PALLD: variants seen among roughly 807,000 people sequenced by gnomAD.
PALLD encodes palladin, cytoskeletal associated protein.
Under a neutral mutation model 123.5 loss-of-function variants are expected in PALLD, and 61 were observed. The observed-to-expected ratio is 0.49, with a 90% confidence interval of 0.40 to 0.61. PALLD has a LOEUF of 0.61. Ranked by LOEUF, PALLD falls within the 20% of genes least tolerant of loss-of-function variation. The pLI, the probability that PALLD is intolerant of heterozygous loss-of-function variation, is 0.00. For synonymous variants in PALLD, 465 were observed against 496.4 expected (o/e 0.94, Z 0.84); for missense variants, 1,273 against 1,377.0 (o/e 0.92, Z 1.20).
intron 10 of PALLD, among the ~76,000 whole-genome samples, chr4:168,807,042 C>T (rs1740311052): frequency 6.6e-6 from 1 of 152,054 alleles, no homozygotes; most frequent in African/African-American, 2.4e-5. Context: ...GGTGCCTAAC[C>T]ACAACACTTC....
At chr4:168,547,346 G>A (rs1766236411) in intron 2 of PALLD, among the ~76,000 whole-genome samples, 1 of 151,898 alleles carries the variant, frequency 6.6e-6, no homozygotes, top group African/African-American at 2.4e-5. Context: ...GTGGGAGTGT[G>A]TGTGTTGTGT....
rs999214743 is a variant in PALLD at position 168,878,010 on chromosome 4, C to T, written c.1965-12912C>T. On this transcript the variant is annotated intron_variant, in intron 10 of 21. Coordinates refer to ENST00000505667, the MANE Select transcript of PALLD (RefSeq NM_001166108.2). ...CTCGGGCCCGCGTCGGGCCACGGCA[C>T]GCCGGCCTCCAGCCCCAGCTCGTCC... The T allele has an allele frequency of 1.3e-6, 2 of 1,497,458 alleles. No individual in the cohort carries two copies. Among genetic ancestry groups the T allele is most frequent in the Non-Finnish European group, 1.8e-6 (2 of 1,129,284 alleles). 92.8% of individuals were successfully genotyped at this position (1,497,458 alleles called of 1,614,324 possible).
intron 8 of PALLD, among the ~76,000 whole-genome samples, chr4:168,698,617 C>T (rs890524438): frequency 6.6e-6 from 1 of 152,062 alleles, no homozygotes; most frequent in Non-Finnish European, 1.5e-5. Context: ...CCAGACTGCT[C>T]CACCGAGTGA....
At chr4:168,525,224 T>C (rs1763931623) in intron 2 of PALLD, among the ~76,000 whole-genome samples, 1 of 152,194 alleles carries the variant, frequency 6.6e-6, no homozygotes, top group Non-Finnish European at 1.5e-5. Flanking sequence ...ATACCTTTTC[T>C]ACAAAAGGCC....
At chr4:168,763,120 A>G (rs770147864) in intron 10 of PALLD, among the ~76,000 whole-genome samples, 28 of 152,174 alleles carry the variant, frequency 1.8e-4, no homozygotes, top group Non-Finnish European at 4.1e-4. Context: ...ATGTATACCT[A>G]TGTAACAAAC....
chr4:168,693,775 C>T (rs1199855922), intron 8 of PALLD, among the ~76,000 whole-genome samples: 2 of 152,186 alleles, frequency 1.3e-5, no homozygotes, highest in Admixed American at 6.5e-5. Flanking sequence ...TACCATGACA[C>T]GACGAGACTT....
intron 10 of PALLD, among the ~76,000 whole-genome samples, chr4:168,725,522 C>CTT (rs1210834634): frequency 0.022 from 2,036 of 91,650 alleles, 76 homozygotes; most frequent in Non-Finnish European, 0.026. Flanking sequence ...TCTTTAATTT[C>CTT]TTTTTTTTTT....
chr4:168,570,282 G>T (rs1290106401), intron 2 of PALLD, among the ~76,000 whole-genome samples: 1 of 152,062 alleles, frequency 6.6e-6, no homozygotes, highest in East Asian at 1.9e-4. Flanking sequence ...GAAATGTTTG[G>T]TTTTTGTTTT....
At chr4:168,808,649 C>A (rs567793605) in intron 10 of PALLD, among the ~76,000 whole-genome samples, 1 of 152,300 alleles carries the variant, frequency 6.6e-6, no homozygotes, top group South Asian at 2.1e-4. Flanking sequence ...ATTTATTGGA[C>A]TTACAGTTCC....
At chr4:168,560,603 C>T (rs1767767971) in intron 2 of PALLD, among the ~76,000 whole-genome samples, 1 of 152,144 alleles carries the variant, frequency 6.6e-6, no homozygotes, top group African/African-American at 2.4e-5. Flanking sequence ...ATTCATAGCA[C>T]TTTCCCAAGC....
intron 16 of PALLD, among the ~76,000 whole-genome samples, chr4:168,915,054 GC>G (rs1214114424): frequency 6.6e-6 from 1 of 152,078 alleles, no homozygotes; most frequent in Non-Finnish European, 1.5e-5. Context: ...ACATTTTTAA[GC>G]CTTTCCTTAT....
At chr4:168,792,124 C>T (rs1276135192) in intron 10 of PALLD, among the ~76,000 whole-genome samples, 1 of 152,106 alleles carries the variant, frequency 6.6e-6, no homozygotes, top group Admixed American at 6.5e-5. Context: ...AAATAAAAGG[C>T]TGCTGCCCTC....
chr4:168,645,097 CAAA>C (rs58366362), intron 2 of PALLD, among the ~76,000 whole-genome samples: 15 of 117,034 alleles, frequency 1.3e-4, no homozygotes, highest in Non-Finnish European at 1.7e-4. Context: ...GACACAGTCT[CAAA>C]AAAAAAAAAA....
At chr4:168,862,177 T>G (rs1330049825) in intron 10 of PALLD, among the ~76,000 whole-genome samples, 1 of 152,196 alleles carries the variant, frequency 6.6e-6, no homozygotes, top group Non-Finnish European at 1.5e-5. Flanking sequence ...TTTTGTTTGC[T>G]TTGTTTTGAG....
chr4:168,887,861 G>A (rs1753584848), intron 10 of PALLD, among the ~76,000 whole-genome samples: 1 of 152,150 alleles, frequency 6.6e-6, no homozygotes, highest in Non-Finnish European at 1.5e-5. Context: ...GAGATGGACA[G>A]TACATCCATT....
rs146189707 is a variant in PALLD, at chr4:168,511,905, T to A, written c.401T>A (p.Ile134Asn). The A allele has an allele frequency of 6.2e-7, 1 of 1,614,108 alleles. No individual in the cohort carries two copies. Among genetic ancestry groups the A allele is most frequent in the African/African-American group, 1.3e-5 (1 of 74,992 alleles). The part of the protein sequence containing the change: ...MSPLLTRPSY[I>N]RSLRKAEKRG... ...CCCCTGCTCACCAGGCCCAGCTACA[T>A]CCGGAGCCTCCGAAAGGCTGAAAAG... Residue 134 changes from isoleucine (I) to asparagine (N), a missense_variant, in exon 2 of 22, where the codon ATC becomes AAC. By Grantham distance (149) the Ile-to-Asn change is moderately radical. Around this residue, in one of 2 missense-constraint regions of PALLD, gnomAD observed 944 missense variants for 954.5 expected, o/e 0.99. Coordinates refer to ENST00000505667, the MANE Select transcript of PALLD (RefSeq NM_001166108.2).
chr4:168,606,635 G>T (rs1428332827), intron 2 of PALLD, among the ~76,000 whole-genome samples: 1 of 141,844 alleles, frequency 7.1e-6, no homozygotes, highest in African/African-American at 2.6e-5. Context: ...CTGCACTCCA[G>T]CCTGGGGGAC....
At chr4:168,888,674 A>G (rs750324919) in intron 10 of PALLD, among the ~76,000 whole-genome samples, 6 of 152,190 alleles carry the variant, frequency 3.9e-5, no homozygotes, top group Admixed American at 6.5e-5. Flanking sequence ...TCATTGGCCC[A>G]GGCTATATCG....
At chr4:168,529,443 G>T (rs1764398935) in intron 2 of PALLD, among the ~76,000 whole-genome samples, 1 of 152,136 alleles carries the variant, frequency 6.6e-6, no homozygotes, top group Admixed American at 6.5e-5. Context: ...CAGGCGAAGG[G>T]GGAGAGTGGT....
Sources: allele counts gnomAD v4.1 joint callset (sites outside exome capture counted in the v4.1 genomes callset), GRCh38; gene constraint gnomAD v4.1.1; regional missense constraint gnomAD v4.1.1; transcripts MANE v1.5; gene names NCBI Gene and HGNC (gene_info 2026-07-23, HGNC 2026-07-21).